SH3D19: variants seen among roughly 807,000 people sequenced by gnomAD.
SH3D19 encodes the protein SH3 domain-containing protein 19.
In SH3D19, 58 loss-of-function variants were observed where a neutral mutation model predicts 112.1. The observed-to-expected ratio is 0.52, with a 90% CI of 0.42 to 0.64. The LOEUF is 0.64. SH3D19 is among the 30% of genes least tolerant of loss of function. The probability of loss-of-function intolerance (pLI) is 0.00; values close to 1 mark genes in which losing one functional copy is unlikely to be tolerated. For synonymous variants in SH3D19, 391 were observed against 448.5 expected (o/e 0.87, Z 1.62); for missense variants, 1,090 against 1,263.4 (o/e 0.86, Z 2.08).
intron 17 of SH3D19, among the ~76,000 whole-genome samples, chr4:151,131,631 C>T (rs892623968): frequency 2.6e-5 from 4 of 151,822 alleles, no homozygotes; most frequent in African/African-American, 4.8e-5. Flanking sequence ...GGAATACGCG[C>T]GCTGGTCACC....
intron 1 of SH3D19, among the ~76,000 whole-genome samples, chr4:151,314,369 A>C (rs1395788591): frequency 6.6e-6 from 1 of 152,134 alleles, no homozygotes; most frequent in Non-Finnish European, 1.5e-5. Context: ...CACTTCAAAA[A>C]CTACACATCA....
intron 2 of SH3D19, among the ~76,000 whole-genome samples, chr4:151,211,020 T>C (rs1765883468): frequency 1.3e-5 from 2 of 152,124 alleles, no homozygotes; most frequent in Non-Finnish European, 2.9e-5. Context: ...AGCCTGACTG[T>C]CTCTACTACA....
intron 15 of SH3D19, among the ~76,000 whole-genome samples, chr4:151,133,576 C>A (rs1751204226): frequency 6.6e-6 from 1 of 152,116 alleles, no homozygotes; most frequent in Admixed American, 6.6e-5. Context: ...CCCTTCCAAT[C>A]ATAAATGCAC....
At chr4:151,178,129 GT>G in intron 4 of SH3D19, among the ~76,000 whole-genome samples, 1 of 152,266 alleles carries the variant, frequency 6.6e-6, no homozygotes, top group Admixed American at 6.5e-5. Flanking sequence ...GCTCAGGCAG[GT>G]TTCGAACTCC....
intron 1 of SH3D19, among the ~76,000 whole-genome samples, chr4:151,299,924 G>A (rs773315404): frequency 1.6e-4 from 24 of 152,206 alleles, no homozygotes; most frequent in East Asian, 5.8e-4. Flanking sequence ...AATGTCGGCC[G>A]GGTGTGGTGG....
intron 17 of SH3D19, among the ~76,000 whole-genome samples, chr4:151,131,065 T>G (rs1750585671): frequency 6.6e-6 from 1 of 152,184 alleles, no homozygotes; most frequent in Admixed American, 6.5e-5. Context: ...ATGCTATATA[T>G]TCAATTTTAT....
rs141692707 is a variant in SH3D19 at position 151,321,614 on chromosome 4, A to G, written c.112+3627T>C. Among the ~76,000 whole-genome samples, 5 of 152,296 alleles carry G rather than the reference A, an allele frequency of 3.3e-5. No homozygotes were observed. The East Asian group carries it at 9.7e-4, about 29-fold the overall frequency. ...CTCATGGGTTTTCATCTGATCTACT[A>G]AAAAGGACAAATTAGCCAAAGGAAC... On this transcript the variant is annotated intron_variant, in intron 1 of 19. Transcript: ENST00000604030.
chr4:151,286,550 T>C (rs978124868), intron 1 of SH3D19, among the ~76,000 whole-genome samples: 5 of 146,480 alleles, frequency 3.4e-5, no homozygotes, highest in South Asian at 2.1e-4. Flanking sequence ...TAAGAAGAAA[T>C]AGATGGTCTG....
chr4:151,222,818 A>G (rs766867629), intron 2 of SH3D19, among the ~76,000 whole-genome samples: 1 of 151,702 alleles, frequency 6.6e-6, no homozygotes, highest in Non-Finnish European at 1.5e-5. Context: ...GATTACAGGC[A>G]TGCACCACCA....
intron 10 of SH3D19, 96 bp downstream of exon 10, chr4:151,149,404 A>C: frequency 1.0e-6 from 1 of 984,832 alleles, no homozygotes; most frequent in Non-Finnish European, 1.6e-6. Context: ...ATCTCTAAAA[A>C]AAGATTCAAG....
rs1761998345 is a variant in SH3D19 at position 151,187,613 on chromosome 4, A to G, written c.153-150T>C. ...GGCCTATCCTCTTTAAAAATCAAAA[A>G]TTAAAGAAATTTTTAAAACTTGACT... On this transcript the variant is annotated intron_variant, in intron 2 of 19. Coordinates refer to ENST00000604030, the MANE Select transcript of SH3D19 (RefSeq NM_001378122.1). 7.1e-6 allele frequency: 3 copies of G among 421,336 alleles called. No homozygotes were observed. The East Asian group carries it at 1.1e-4, about 15-fold the overall frequency. 26.1% of individuals were successfully genotyped at this position (421,336 alleles called of 1,614,324 possible).
intron 11 of SH3D19, among the ~76,000 whole-genome samples, chr4:151,147,665 A>G (rs1035416375): frequency 6.6e-6 from 1 of 152,106 alleles, no homozygotes; most frequent in Admixed American, 6.6e-5. Flanking sequence ...GTTTCACCAC[A>G]TTGGCCAGCT....
intron 8 of SH3D19, among the ~76,000 whole-genome samples, chr4:151,159,681 T>C (rs1756800027): frequency 6.6e-6 from 1 of 152,210 alleles, no homozygotes; most frequent in Admixed American, 6.5e-5. Flanking sequence ...TGTGCTAGAT[T>C]TGTCCAGTCC....
At chr4:151,198,769 T>G (rs1188658316) in intron 2 of SH3D19, among the ~76,000 whole-genome samples, 13 of 152,100 alleles carry the variant, frequency 8.5e-5, no homozygotes, top group Non-Finnish European at 1.5e-5. Flanking sequence ...TTTTAAACAC[T>G]CATTTAACTG....
At chr4:151,239,441 T>TTAA (rs1315952977) in intron 1 of SH3D19, among the ~76,000 whole-genome samples, 1 of 152,212 alleles carries the variant, frequency 6.6e-6, no homozygotes, top group African/African-American at 2.4e-5. Flanking sequence ...ATGCTATTAA[T>TTAA]TCATAGAGAA....
At chr4:151,186,539 T>C (rs1183090839) in intron 3 of SH3D19, among the ~76,000 whole-genome samples, 1 of 152,066 alleles carries the variant, frequency 6.6e-6, no homozygotes, top group Non-Finnish European at 1.5e-5. Context: ...GTTCAAGCCA[T>C]TCTCCTGCCT....
At chr4:151,303,731 T>A (rs1478611461) in intron 1 of SH3D19, among the ~76,000 whole-genome samples, 1 of 152,110 alleles carries the variant, frequency 6.6e-6, no homozygotes, top group African/African-American at 2.4e-5. Flanking sequence ...GATATCATGT[T>A]TTGAAAAGTA....
intron 1 of SH3D19, chr4:151,262,727 TCCC>T (rs1561411431): frequency 4.8e-5 from 7 of 146,958 alleles, no homozygotes; most frequent in Non-Finnish European, 1.1e-4. Context: ...GTAGATGAGA[TCCC>T]GTGATGTGTC....
chr4:151,282,250 CA>C, intron 1 of SH3D19: 1 of 1,613,934 alleles, frequency 6.2e-7, no homozygotes, highest in Non-Finnish European at 8.5e-7. Context: ...TCATCCATCC[CA>C]AGTACCAAGA....
Sources: allele counts gnomAD v4.1 joint callset (sites outside exome capture counted in the v4.1 genomes callset), GRCh38; gene constraint gnomAD v4.1.1; transcripts MANE v1.5; gene names NCBI Gene and HGNC (gene_info 2026-07-23, HGNC 2026-07-21).